MARCHF4: variants seen among roughly 807,000 people sequenced by gnomAD.
MARCHF4 encodes E3 ubiquitin-protein ligase MARCHF4.
Under a neutral mutation model 43.9 loss-of-function variants are expected in MARCHF4, and 14 were observed. The observed-to-expected ratio is 0.32, with a 90% confidence interval of 0.21 to 0.50. MARCHF4 has a LOEUF of 0.50. Among genes scored for constraint, MARCHF4 ranks in the 20% least tolerant of loss-of-function variants. MARCHF4 has a pLI of 0.98. For synonymous variants in MARCHF4, 226 were observed against 213.3 expected (o/e 1.06, Z -0.52); for missense variants, 468 against 536.7 (o/e 0.87, Z 1.27).
At chr2:216,285,941 G>A (rs1016067331) in intron 1 of MARCHF4, among the ~76,000 whole-genome samples, 8 of 152,294 alleles carry the variant, frequency 5.3e-5, no homozygotes, top group Non-Finnish European at 8.8e-5. Context: ...AAGTCTCCAC[G>A]CCTTGCTTCC....
intron 1 of MARCHF4, among the ~76,000 whole-genome samples, chr2:216,308,911 G>A (rs1381073634): frequency 6.6e-6 from 1 of 152,148 alleles, no homozygotes; most frequent in African/African-American, 2.4e-5. Context: ...TCGAAGAAGG[G>A]TGTGGATATT....
chr2:216,304,910 C>T (rs1451312417), intron 1 of MARCHF4, among the ~76,000 whole-genome samples: 2 of 152,016 alleles, frequency 1.3e-5, no homozygotes, highest in South Asian at 2.1e-4. Flanking sequence ...GCCGAGATCA[C>T]GCCATTGTAC....
At chr2:216,277,022 C>T (rs1281315906) in intron 3 of MARCHF4, among the ~76,000 whole-genome samples, 1 of 151,964 alleles carries the variant, frequency 6.6e-6, no homozygotes, top group Non-Finnish European at 1.5e-5. Flanking sequence ...TTATCTGGAA[C>T]AGAAACACAT....
chr2:216,333,371 C>T (rs11885313), intron 1 of MARCHF4, among the ~76,000 whole-genome samples: 4 of 151,918 alleles, frequency 2.6e-5, no homozygotes, highest in Non-Finnish European at 5.9e-5. Flanking sequence ...GGCCAAAGGG[C>T]GAATAAATTT....
intron 1 of MARCHF4, among the ~76,000 whole-genome samples, chr2:216,317,473 G>T (rs1356639617): frequency 6.6e-6 from 1 of 152,062 alleles, no homozygotes; most frequent in Non-Finnish European, 1.5e-5. Context: ...GAGTGCAGTG[G>T]TGTGATCTTG....
chr2:216,352,926 T>C (rs1692423225), intron 1 of MARCHF4, among the ~76,000 whole-genome samples: 1 of 152,184 alleles, frequency 6.6e-6, no homozygotes, highest in Admixed American at 6.5e-5. Flanking sequence ...CCTCATGCGG[T>C]TCTGGCACAA....
intron 1 of MARCHF4, among the ~76,000 whole-genome samples, chr2:216,300,521 AT>A (rs1691478034): frequency 6.6e-6 from 1 of 151,688 alleles, no homozygotes; most frequent in Non-Finnish European, 1.5e-5. Context: ...ATTTTTTTGT[AT>A]ATTTTATAGA....
intron 1 of MARCHF4, among the ~76,000 whole-genome samples, chr2:216,292,339 C>A (rs1691322015): frequency 6.6e-6 from 1 of 152,182 alleles, no homozygotes; most frequent in Admixed American, 6.5e-5. Context: ...TGTCCAGTTG[C>A]CTTGTAGTTG....
At position 216,371,008 on chromosome 2, in the gene MARCHF4, T is replaced by G. The variant is rs978729813; in HGVS notation, c.-748A>C. On this transcript the variant is annotated 5_prime_UTR_variant, in exon 1 of 4. Coordinates refer to ENST00000273067, the MANE Select transcript of MARCHF4 (RefSeq NM_020814.3). The stretch of plus-strand genomic sequence containing the variant: ...CAGGTGAAACTGGGCTAGGGGCTTG[T>G]GCTTTGCCTCCGCAGCCAAAGGGTT... 1.3e-5 allele frequency: 2 copies of G among 152,056 alleles called. No individual in the cohort carries two copies. The highest frequency in any genetic ancestry group is 2.9e-5 in the Non-Finnish European group (2 of 68,042). The allele number at this position is 152,056 out of a possible 1,614,324, so 9.4% of individuals were successfully genotyped here.
intron 3 of MARCHF4, among the ~76,000 whole-genome samples, chr2:216,264,000 CA>C (rs145225659): frequency 0.14 from 20,845 of 152,010 alleles, 1,478 homozygotes; most frequent in South Asian, 0.25. Context: ...ACTGAGGATC[CA>C]GGGGAGCAGC....
intron 2 of MARCHF4, among the ~76,000 whole-genome samples, chr2:216,278,642 G>A (rs1008613348): frequency 1.3e-5 from 2 of 152,010 alleles, no homozygotes; most frequent in Non-Finnish European, 2.9e-5. Flanking sequence ...ACATCACCTT[G>A]CATGCCTCTT....
intron 1 of MARCHF4, among the ~76,000 whole-genome samples, chr2:216,293,564 T>G (rs554520580): frequency 1.7e-3 from 190 of 109,000 alleles, no homozygotes; most frequent in African/African-American, 7.2e-3. Flanking sequence ...GCTCATCATT[T>G]CAATGTAAAA....
chr2:216,333,136 T>C (rs1008813139), intron 1 of MARCHF4, among the ~76,000 whole-genome samples: 1 of 151,398 alleles, frequency 6.6e-6, no homozygotes, highest in Non-Finnish European at 1.5e-5. Context: ...CCATTAATTA[T>C]ATAAAGGGAA....
intron 1 of MARCHF4, among the ~76,000 whole-genome samples, chr2:216,312,012 A>G (rs968309289): frequency 3.3e-5 from 5 of 152,206 alleles, no homozygotes; most frequent in African/African-American, 1.2e-4. Flanking sequence ...AAGAATACAT[A>G]CGCATGTTTG....
intron 2 of MARCHF4, 41 bp downstream of exon 2, chr2:216,283,533 C>A (rs1001651155): frequency 6.5e-7 from 1 of 1,549,566 alleles, no homozygotes; most frequent in African/African-American, 1.4e-5. Context: ...GGTGTGGAAG[C>A]CCCAGGCCCA....
chr2:216,318,228 T>C (rs1163865781), intron 1 of MARCHF4: 1 of 152,220 alleles, frequency 6.6e-6, no homozygotes, highest in Non-Finnish European at 1.5e-5. Flanking sequence ...AAGCAGGCAG[T>C]TCCTCACCAC....
intron 2 of MARCHF4, among the ~76,000 whole-genome samples, chr2:216,283,315 T>G (rs1691161936): frequency 6.6e-6 from 1 of 152,192 alleles, no homozygotes; most frequent in Non-Finnish European, 1.5e-5. Flanking sequence ...CCTCTGATTC[T>G]CCACACTTCT....
At chr2:216,365,944 G>A (rs1263467584) in intron 1 of MARCHF4, among the ~76,000 whole-genome samples, 1 of 152,152 alleles carries the variant, frequency 6.6e-6, no homozygotes, top group Non-Finnish European at 1.5e-5. Context: ...GATGGAAACG[G>A]ACAAGCTCTG....
intron 1 of MARCHF4, among the ~76,000 whole-genome samples, chr2:216,354,902 T>TCTTTCTTTCTTC (rs1559106502): frequency 3.6e-5 from 2 of 55,678 alleles, no homozygotes. Context: ...TTTCTTTCTT[T>TCTTTCTTTCTTC]CTTTCTTTCT....
Sources: gnomAD v4.1 joint callset for allele counts (sites outside exome capture counted in the v4.1 genomes callset) on GRCh38, gnomAD v4.1.1 for gene constraint, MANE v1.5 for transcripts, NCBI Gene and HGNC (gene_info 2026-07-23, HGNC 2026-07-21) for gene names.